SLC27A2: variants seen among roughly 807,000 people sequenced by gnomAD.
SLC27A2 encodes long-chain fatty acid transport protein 2.
In SLC27A2, 54 loss-of-function variants were observed where a neutral mutation model predicts 60.0. The observed-to-expected ratio is 0.90, with a 90% CI of 0.72 to 1.13. The LOEUF (loss-of-function observed/expected upper bound fraction) is 1.13, where lower values mean the gene tolerates loss of function less well. Ranked by LOEUF, SLC27A2 falls within the 50% of genes most tolerant of loss-of-function variation. SLC27A2 has a pLI of 0.00. For missense variants in SLC27A2, 739 were observed against 777.6 expected (o/e 0.95, Z 0.59); for synonymous variants, 297 against 297.6 (o/e 1.00, Z 0.02).
At chr15:50,183,421 A>G (rs1485931965) in intron 1 of SLC27A2, among the ~76,000 whole-genome samples, 1 of 152,070 alleles carries the variant, frequency 6.6e-6, no homozygotes, top group Non-Finnish European at 1.5e-5. Flanking sequence ...GCAGGCTTCA[A>G]TGTTGCTTCC....
At chr15:50,215,775 C>T (rs546210275) in intron 4 of SLC27A2, among the ~76,000 whole-genome samples, 1 of 152,220 alleles carries the variant, frequency 6.6e-6, no homozygotes. Flanking sequence ...TAGAATAAAA[C>T]TGGATTCTCA....
At chr15:50,214,783 C>G (rs930851991) in intron 4 of SLC27A2, among the ~76,000 whole-genome samples, 1 of 152,128 alleles carries the variant, frequency 6.6e-6, no homozygotes, top group African/African-American at 2.4e-5. Flanking sequence ...GATTAAAACT[C>G]TCAGCAAAAT....
At chr15:50,207,501 G>T (rs1232637712) in intron 4 of SLC27A2, among the ~76,000 whole-genome samples, 1 of 151,846 alleles carries the variant, frequency 6.6e-6, no homozygotes, top group Non-Finnish European at 1.5e-5. Flanking sequence ...TAAATTATAG[G>T]TCATCAGTCC....
At chr15:50,223,220 A>T in intron 5 of SLC27A2, 61 bp downstream of exon 5, 1 of 1,236,944 alleles carries the variant, frequency 8.1e-7, no homozygotes, top group Non-Finnish European at 1.1e-6. Flanking sequence ...AGACTTCTTA[A>T]AAGCCAAGTC....
chr15:50,183,002 C>CTGT, intron 1 of SLC27A2, 97 bp downstream of exon 1: 1 of 1,208,120 alleles, frequency 8.3e-7, no homozygotes, highest in East Asian at 2.3e-5. Context: ...GAGGGAGGTT[C>CTGT]AGATCGGAAC....
intron 1 of SLC27A2, among the ~76,000 whole-genome samples, chr15:50,184,360 G>A (rs1034806586): frequency 6.6e-6 from 1 of 152,102 alleles, no homozygotes; most frequent in Non-Finnish European, 1.5e-5. Context: ...AAGGGATGAA[G>A]TGTCCACTTG....
chr15:50,225,137 AC>A (rs972801232), intron 5 of SLC27A2, among the ~76,000 whole-genome samples: 2 of 152,258 alleles, frequency 1.3e-5, no homozygotes, highest in African/African-American at 4.8e-5. Flanking sequence ...TGTTTTTTTA[AC>A]AAGTACTAGC....
rs138187951 is a variant in SLC27A2 at position 50,229,035 on chromosome 15, T to A, written c.1548T>A (p.His516Gln). 1.2e-6 allele frequency: 2 copies of A among 1,605,456 alleles called. No individual in the cohort carries two copies. The highest frequency in any genetic ancestry group is 2.7e-5 in the African/African-American group (2 of 74,310). ...FVQEVNVYGVHVPDHEGRIGM... is the reference protein window; with the variant it reads ...FVQEVNVYGVQVPDHEGRIGM... ...AAGAAGTAAATGTTTATGGAGTGCA[T>A]GTGCCAGGTATATACAAGATATGAT... Residue 516 changes from histidine (H) to glutamine (Q), a missense_variant, in exon 8 of 10, where the codon CAT (histidine) becomes CAA (glutamine). Physicochemically the swap from His to Gln is conservative, Grantham distance 24. Coordinates refer to ENST00000267842, the MANE Select transcript of SLC27A2 (RefSeq NM_003645.4).
intron 4 of SLC27A2, among the ~76,000 whole-genome samples, chr15:50,218,862 T>C (rs1483377068): frequency 6.6e-6 from 1 of 152,058 alleles, no homozygotes; most frequent in African/African-American, 2.4e-5. Context: ...TAGTCCAGAC[T>C]GGAGCAGAGG....
intron 4 of SLC27A2, among the ~76,000 whole-genome samples, chr15:50,206,562 T>C (rs1453541038): frequency 1.3e-5 from 2 of 150,350 alleles, no homozygotes; most frequent in Non-Finnish European, 3.0e-5. Flanking sequence ...GACAGGCCTC[T>C]TCTGCTAATA....
At chr15:50,221,771 A>T (rs907946336) in intron 4 of SLC27A2, 2 of 152,264 alleles carry the variant, frequency 1.3e-5, no homozygotes, top group Non-Finnish European at 2.9e-5. Flanking sequence ...TAAAGGTCAT[A>T]GAGTAACAGA....
Position 50,197,590 on chromosome 15 carries a change from G to A in SLC27A2, c.569G>A (p.Gly190Glu). 1 of 1,613,912 alleles carries A rather than the reference G, an allele frequency of 6.2e-7. No homozygotes were observed. Among genetic ancestry groups the A allele is most frequent in the Admixed American group, 1.7e-5 (1 of 60,004 alleles). ...GTGAGCAGAACTTCTAACACAGATG[G>A]GATTGACTCTTTCCTGGACAAAGTG... Reference protein sequence around the residue: ...YYVSRTSNTDGIDSFLDKVDE... With the variant: ...YYVSRTSNTDEIDSFLDKVDE... The change falls in exon 2 of 10, where the codon GGG becomes GAG. Residue 190 changes from glycine to glutamate, a missense_variant. By Grantham distance (98) the Gly-to-Glu change is moderately conservative (BLOSUM62 -2). Coordinates refer to ENST00000267842, the MANE Select transcript of SLC27A2 (RefSeq NM_003645.4).
chr15:50,200,305 G>A (rs926433781), intron 2 of SLC27A2, among the ~76,000 whole-genome samples: 1 of 152,114 alleles, frequency 6.6e-6, no homozygotes, highest in Non-Finnish European at 1.5e-5. Context: ...GTGCACACCT[G>A]TGGTCCCAGA....
rs2045101108 is a variant in SLC27A2, at chr15:50,205,127, GC to G, written c.848-111del. The G allele has an allele frequency of 6.8e-6, 9 of 1,327,010 alleles. No homozygotes were observed. In the South Asian group the frequency reaches 1.4e-4, roughly 21 times the overall value. 82.2% of individuals were successfully genotyped at this position (1,327,010 alleles called of 1,614,324 possible). On this transcript the variant is annotated intron_variant, in intron 3 of 9. Coordinates refer to ENST00000267842, the MANE Select transcript of SLC27A2 (RefSeq NM_003645.4). ...AATATAAGGTACTCAATACTTGTTT[GC>G]AAATATAATTTATTTTTAAATTTCT...
chr15:50,229,201 A>T (rs2045299199), intron 8 of SLC27A2, among the ~76,000 whole-genome samples, 159 bp downstream of exon 8: 1 of 152,258 alleles, frequency 6.6e-6, no homozygotes, highest in East Asian at 1.9e-4. Flanking sequence ...ATGTTCCACT[A>T]TAAAAGCCAA....
intron 1 of SLC27A2, among the ~76,000 whole-genome samples, chr15:50,188,793 C>G (rs1257709552): frequency 2.0e-5 from 3 of 152,142 alleles, no homozygotes; most frequent in Non-Finnish European, 4.4e-5. Context: ...AACCCTGTCT[C>G]TATTAAAAAT....
chr15:50,212,590 C>A (rs183803038), intron 4 of SLC27A2, among the ~76,000 whole-genome samples: 8 of 152,314 alleles, frequency 5.3e-5, no homozygotes, highest in Admixed American at 5.2e-4. Context: ...TAACAGATTT[C>A]TCAGCAGAAA....
chr15:50,234,564 G>GCAA (rs1427866725), intron 9 of SLC27A2, among the ~76,000 whole-genome samples: 1 of 142,092 alleles, frequency 7.0e-6, no homozygotes, highest in Non-Finnish European at 1.5e-5. Flanking sequence ...TCCAGCCTGA[G>GCAA]CAATGGAGTG....
chr15:50,205,466 T>G (rs2045104915), intron 4 of SLC27A2, 103 bp downstream of exon 4: 2 of 1,191,130 alleles, frequency 1.7e-6, no homozygotes, highest in East Asian at 5.0e-5. Flanking sequence ...ATATCAGTTT[T>G]GAGTTTAGGA....
Sources: gnomAD v4.1 joint callset for allele counts (sites outside exome capture counted in the v4.1 genomes callset) on GRCh38, gnomAD v4.1.1 for gene constraint, MANE v1.5 for transcripts, NCBI Gene and HGNC (gene_info 2026-07-23, HGNC 2026-07-21) for gene names.